Variants in FOXN3 observed in about 807,000 individuals in gnomAD.
FOXN3 encodes forkhead box N3, also known as forkhead box protein N3.
FOXN3 carries 7 observed loss-of-function variants against 38.4 expected under a neutral mutation model. The observed-to-expected ratio is 0.18, with a 90% CI of 0.10 to 0.34. FOXN3 has a LOEUF of 0.34. Ranked by LOEUF, FOXN3 falls within the 10% of genes least tolerant of loss-of-function variation. FOXN3 has a pLI of 1.00. For synonymous variants in FOXN3, 230 were observed against 242.2 expected (o/e 0.95, Z 0.47); for missense variants, 456 against 613.4 (o/e 0.74, Z 2.71).
At chr14:89,573,515 C>T (rs1235379250) in intron 1 of FOXN3, among the ~76,000 whole-genome samples, 1 of 152,146 alleles carries the variant, frequency 6.6e-6, no homozygotes, top group African/African-American at 2.4e-5. Flanking sequence ...AAGCCAAATG[C>T]CAATAAAGCT....
At chr14:89,433,831 GAAAC>G (rs1892216891) in intron 1 of FOXN3, among the ~76,000 whole-genome samples, 1 of 148,676 alleles carries the variant, frequency 6.7e-6, no homozygotes, top group Non-Finnish European at 1.5e-5. Flanking sequence ...AAAAAGAAAA[GAAAC>G]AGACATATTC....
chr14:89,580,596 G>A (rs760432080), intron 1 of FOXN3, among the ~76,000 whole-genome samples: 1 of 152,162 alleles, frequency 6.6e-6, no homozygotes, highest in African/African-American at 2.4e-5. Flanking sequence ...CTCCATCTGT[G>A]TAATTCTTTG....
At chr14:89,360,560 T>TAAG (rs1889438654) in intron 2 of FOXN3, among the ~76,000 whole-genome samples, 2 of 12,740 alleles carry the variant, frequency 1.6e-4, no homozygotes, top group African/African-American at 2.8e-4. Flanking sequence ...CGGAAGGAGG[T>TAAG]GAGGAGAGAG....
At chr14:89,293,907 C>A (rs895528986) in intron 3 of FOXN3, among the ~76,000 whole-genome samples, 2 of 152,152 alleles carry the variant, frequency 1.3e-5, no homozygotes, top group Non-Finnish European at 2.9e-5. Flanking sequence ...CCACAAATGT[C>A]TGTTGAGGGA....
intron 5 of FOXN3, among the ~76,000 whole-genome samples, chr14:89,174,773 T>C (rs1887478662): frequency 6.6e-6 from 1 of 152,210 alleles, no homozygotes; most frequent in South Asian, 2.1e-4. Context: ...ATGCTTTGTG[T>C]AACTGGGATT....
chr14:89,483,975 A>G (rs2139764374), intron 1 of FOXN3, among the ~76,000 whole-genome samples: 1 of 152,340 alleles, frequency 6.6e-6, no homozygotes, highest in Non-Finnish European at 1.5e-5. Flanking sequence ...TCCAAAATGC[A>G]AGGTTTGTTT....
rs573123755 is a variant in FOXN3 at position 89,415,649 on chromosome 14, A to G, written c.-15+1222T>C. On this transcript the variant is annotated intron_variant, in intron 1 of 5. Transcript: ENST00000557258. ...AAAAAAAACAGTTCCCAGAAACCAC[A>G]GCTGAGGAGTTTTCCATTATTATAC... Among the ~76,000 whole-genome samples, 53 of 146,784 alleles carry G rather than the reference A, an allele frequency of 3.6e-4. No individual in the cohort carries two copies. In the South Asian group the frequency reaches 0.011, roughly 32 times the overall value.
At chr14:89,321,424 A>C (rs1436237789) in intron 3 of FOXN3, among the ~76,000 whole-genome samples, 2 of 152,076 alleles carry the variant, frequency 1.3e-5, no homozygotes, top group African/African-American at 4.8e-5. Context: ...AAAAATACAA[A>C]AACTAGCCAG....
chr14:89,442,312 A>G (rs911828540), intron 1 of FOXN3, among the ~76,000 whole-genome samples: 11 of 152,096 alleles, frequency 7.2e-5, no homozygotes, highest in African/African-American at 2.7e-4. Context: ...AGCCACTTTC[A>G]GGCAGTAATA....
At position 89,223,496 on chromosome 14, in the gene FOXN3, CGAA is replaced by C. The variant is rs527410035; in HGVS notation, c.746-42693_746-42691del. 1.3e-3 allele frequency among the ~76,000 whole-genome samples: 203 copies of C among 152,310 alleles called. 1 individual carries two copies. The highest frequency in any genetic ancestry group is 2.7e-3 in the African/African-American group (111 of 41,574). ...TCCACCTTTGTGAGCTTCCTCAGGG[CGAA>C]GAAGAATTAGAAATTCCGAGGACTG... On this transcript the variant is annotated intron_variant, in intron 4 of 5. Transcript: ENST00000557258.
At chr14:89,255,237 C>A (rs545937275) in intron 4 of FOXN3, among the ~76,000 whole-genome samples, 2 of 152,326 alleles carry the variant, frequency 1.3e-5, no homozygotes, top group Non-Finnish European at 2.9e-5. Flanking sequence ...CATGAGCCCA[C>A]GTTGCCACTT....
At chr14:89,253,278 G>A (rs1187272724) in intron 4 of FOXN3, among the ~76,000 whole-genome samples, 1 of 152,222 alleles carries the variant, frequency 6.6e-6, no homozygotes, top group African/African-American at 2.4e-5. Flanking sequence ...CCTCTGGCAG[G>A]GATCTGGCAT....
intron 4 of FOXN3, among the ~76,000 whole-genome samples, chr14:89,220,048 T>C (rs1884415528): frequency 6.6e-6 from 1 of 152,248 alleles, no homozygotes; most frequent in Non-Finnish European, 1.5e-5. Flanking sequence ...GAACTTTATG[T>C]TTGCTTTGCT....
intron 1 of FOXN3, among the ~76,000 whole-genome samples, chr14:89,562,474 G>A (rs1452381024): frequency 6.6e-6 from 1 of 152,068 alleles, no homozygotes; most frequent in African/African-American, 2.4e-5. Context: ...TGGCCAGGCT[G>A]GTCTTGAACT....
At chr14:89,383,043 T>G (rs865829335) in intron 2 of FOXN3, among the ~76,000 whole-genome samples, 1,969 of 149,520 alleles carry the variant, frequency 0.013, 63 homozygotes, top group African/African-American at 0.046. Flanking sequence ...TTTTTTTTTT[T>G]TTTTTTTTTT....
chr14:89,385,136 G>C (rs1206709671), intron 2 of FOXN3, among the ~76,000 whole-genome samples: 1 of 152,066 alleles, frequency 6.6e-6, no homozygotes, highest in South Asian at 2.1e-4. Flanking sequence ...TACTGCATTT[G>C]TCTATTTTCA....
intron 1 of FOXN3, among the ~76,000 whole-genome samples, chr14:89,427,476 T>A (rs1431698362): frequency 2.0e-5 from 3 of 147,144 alleles, no homozygotes; most frequent in African/African-American, 2.5e-5. Flanking sequence ...CGGCTGATTT[T>A]TTTTTTTTTT....
At chr14:89,451,725 G>T (rs1359891379) in intron 1 of FOXN3, among the ~76,000 whole-genome samples, 2 of 152,044 alleles carry the variant, frequency 1.3e-5, no homozygotes, top group Non-Finnish European at 2.9e-5. Flanking sequence ...TTTTATCTTC[G>T]ACTGTATTCG....
intron 1 of FOXN3, among the ~76,000 whole-genome samples, chr14:89,587,622 C>T (rs243177): frequency 0.2 from 30,966 of 152,084 alleles, 3,951 homozygotes; most frequent in East Asian, 0.42. Context: ...AATCCAAGCA[C>T]TTTGGGAGGC....
Sources: allele counts gnomAD v4.1 joint callset (sites outside exome capture counted in the v4.1 genomes callset), GRCh38; gene constraint gnomAD v4.1.1; transcripts MANE v1.5; gene names NCBI Gene and HGNC (gene_info 2026-07-23, HGNC 2026-07-21).